COL22A1: variants seen among roughly 807,000 people sequenced by gnomAD.
The protein encoded by COL22A1 is collagen alpha-1(XXII) chain.
A neutral mutation model predicts 248.9 loss-of-function variants in COL22A1; 221 were observed. The observed-to-expected ratio is 0.89, with a 90% CI of 0.80 to 0.99. The LOEUF is 0.99. Ranked by LOEUF, COL22A1 falls within the 50% of genes least tolerant of loss-of-function variation. The pLI is 0.00. For synonymous variants in COL22A1, 891 were observed against 793.4 expected (o/e 1.12, Z -2.07); for missense variants, 2,240 against 2,179.0 (o/e 1.03, Z -0.56).
chr8:138,787,706 T>C (rs986293688), intron 12 of COL22A1, among the ~76,000 whole-genome samples: 1 of 152,194 alleles, frequency 6.6e-6, no homozygotes, highest in Non-Finnish European at 1.5e-5. Flanking sequence ...TCACAACAGC[T>C]GCTGTGACTC....
At chr8:138,891,537 C>A (rs544289385) in intron 1 of COL22A1, among the ~76,000 whole-genome samples, 19 of 152,286 alleles carry the variant, frequency 1.2e-4, no homozygotes, top group African/African-American at 4.3e-4. Flanking sequence ...AATAATAATT[C>A]ATTTAGTCTG....
chr8:138,834,277 C>A (rs1392220877), intron 4 of COL22A1, among the ~76,000 whole-genome samples: 1 of 151,874 alleles, frequency 6.6e-6, no homozygotes, highest in African/African-American at 2.4e-5. Flanking sequence ...TCACACCTAA[C>A]CCATGAGATT....
At chr8:138,680,818 C>T (rs566226991) in intron 39 of COL22A1, among the ~76,000 whole-genome samples, 1 of 152,348 alleles carries the variant, frequency 6.6e-6, no homozygotes, top group African/African-American at 2.4e-5. Flanking sequence ...CACATTCTGA[C>T]TTACACATTT....
chr8:138,595,970 G>A (rs914415644), intron 62 of COL22A1, among the ~76,000 whole-genome samples: 1 of 152,220 alleles, frequency 6.6e-6, no homozygotes, highest in East Asian at 1.9e-4. Context: ...AGAACCTTCA[G>A]TGAGGCTGCC....
rs561505558 is a variant in COL22A1, at chr8:138,907,829, C to A, written c.-73+5790G>T. On this transcript the variant is annotated intron_variant, in intron 1 of 64. Transcript: ENST00000303045. ...CAGGCCAAATTCATCTTATAACAAC[C>A]CACTCACACAAGAACTAACCTGTTC... Among the ~76,000 whole-genome samples, 5 of 152,258 alleles carry A rather than the reference C, an allele frequency of 3.3e-5. No individual in the cohort carries two copies. In the South Asian group the frequency reaches 1.0e-3, roughly 32 times the overall value.
chr8:138,669,944 T>G (rs1824868289), intron 41 of COL22A1, among the ~76,000 whole-genome samples: 1 of 146,376 alleles, frequency 6.8e-6, no homozygotes, highest in East Asian at 2.0e-4. Flanking sequence ...TGGAGTGCAG[T>G]GGCATGATCT....
At chr8:138,627,176 C>T (rs1262225863) in intron 50 of COL22A1, among the ~76,000 whole-genome samples, 1 of 152,190 alleles carries the variant, frequency 6.6e-6, no homozygotes, top group Non-Finnish European at 1.5e-5. Flanking sequence ...TATTTTTGTT[C>T]AACCCAAGAC....
intron 12 of COL22A1, among the ~76,000 whole-genome samples, chr8:138,789,653 A>C (rs146587473): frequency 5.7e-4 from 87 of 152,348 alleles, no homozygotes; most frequent in African/African-American, 1.9e-3. Flanking sequence ...AATCAGCATC[A>C]CATTGAAGGA....
intron 41 of COL22A1, among the ~76,000 whole-genome samples, chr8:138,669,924 T>C (rs533260090): frequency 3.6e-4 from 52 of 144,854 alleles, no homozygotes; most frequent in Admixed American, 7.0e-4. Context: ...TCTCGCTCTG[T>C]CGCTCAGGCT....
At chr8:138,793,216 G>A (rs1816219465) in intron 12 of COL22A1, among the ~76,000 whole-genome samples, 1 of 152,278 alleles carries the variant, frequency 6.6e-6, no homozygotes, top group South Asian at 2.1e-4. Flanking sequence ...GGAGACAACG[G>A]TCAGCTAAGA....
chr8:138,895,930 C>G (rs887955538), intron 1 of COL22A1, among the ~76,000 whole-genome samples: 5 of 152,124 alleles, frequency 3.3e-5, no homozygotes, highest in African/African-American at 1.2e-4. Flanking sequence ...GACACATTGT[C>G]TATAGTGGAA....
chr8:138,611,081 T>C (rs1458545917), intron 56 of COL22A1, among the ~76,000 whole-genome samples: 3 of 152,152 alleles, frequency 2.0e-5, no homozygotes, highest in Non-Finnish European at 4.4e-5. Context: ...AAGAAGTCAC[T>C]TCGCTTTCCC....
chr8:138,814,243 C>T (rs1321817715), intron 7 of COL22A1, among the ~76,000 whole-genome samples: 1 of 152,240 alleles, frequency 6.6e-6, no homozygotes, highest in Non-Finnish European at 1.5e-5. Flanking sequence ...TAGGAAAGCC[C>T]TTGAGCAACG....
chr8:138,899,400 A>G (rs1169543108), intron 1 of COL22A1, among the ~76,000 whole-genome samples: 1 of 152,230 alleles, frequency 6.6e-6, no homozygotes, highest in Non-Finnish European at 1.5e-5. Flanking sequence ...AAGAAAATCC[A>G]GGGATGGTGA....
chr8:138,691,367 G>GTATGCA (rs1427845865), intron 35 of COL22A1, among the ~76,000 whole-genome samples: 1 of 151,656 alleles, frequency 6.6e-6, no homozygotes, highest in Non-Finnish European at 1.5e-5. Flanking sequence ...GGAGATGTGT[G>GTATGCA]TATGCATGTG....
chr8:138,760,439 G>C, intron 17 of COL22A1, 152 bp from the exon 18 acceptor site: 2 of 624,574 alleles, frequency 3.2e-6, no homozygotes, highest in Non-Finnish European at 2.7e-6. Flanking sequence ...TCTGGACTGT[G>C]CTTATTGCTA....
chr8:138,657,726 A>G (rs1823408809), intron 44 of COL22A1, among the ~76,000 whole-genome samples: 1 of 151,984 alleles, frequency 6.6e-6, no homozygotes, highest in Non-Finnish European at 1.5e-5. Flanking sequence ...GGGCTCAGAG[A>G]ACAGTGGACA....
At chr8:138,887,243 T>C (rs1387326375) in intron 1 of COL22A1, among the ~76,000 whole-genome samples, 3 of 151,718 alleles carry the variant, frequency 2.0e-5, no homozygotes, top group Non-Finnish European at 2.9e-5. Context: ...TTTTTTTTTT[T>C]AGATGGAGTC....
At chr8:138,664,881 C>T (rs1352016285) in intron 41 of COL22A1, among the ~76,000 whole-genome samples, 2 of 152,112 alleles carry the variant, frequency 1.3e-5, no homozygotes, top group African/African-American at 4.8e-5. Context: ...GAGAGAGAGA[C>T]CTGCCCTAGC....
Sources: allele counts gnomAD v4.1 joint callset (sites outside exome capture counted in the v4.1 genomes callset), GRCh38; gene constraint gnomAD v4.1.1; transcripts MANE v1.5; gene names NCBI Gene and HGNC (gene_info 2026-07-23, HGNC 2026-07-21).